Variants in ACTR3C observed in about 807,000 individuals in gnomAD.
ACTR3C encodes the protein actin related protein 3C, also known as actin-related protein 3C.
A neutral mutation model predicts 26.3 loss-of-function variants in ACTR3C; 18 were observed. The observed-to-expected ratio is 0.68, with a 90% confidence interval of 0.47 to 1.01. ACTR3C has a LOEUF of 1.01. Among genes scored for constraint, ACTR3C ranks in the 50% least tolerant of loss-of-function variants. The pLI is 0.00. For synonymous variants in ACTR3C, 55 were observed against 94.5 expected (o/e 0.58, Z 2.42); for missense variants, 184 against 250.7 (o/e 0.73, Z 1.80).
the ACTR3C span, among the ~76,000 whole-genome samples, chr7:150,116,201 A>G: frequency 1.3e-5 from 2 of 152,244 alleles, no homozygotes; most frequent in African/African-American, 4.8e-5. Context: ...CAGCTATGCG[A>G]ATGCAAAACT....
At chr7:150,198,751 G>GT in the ACTR3C span, among the ~76,000 whole-genome samples, 1 of 135,792 alleles carries the variant, frequency 7.4e-6, no homozygotes, top group Non-Finnish European at 1.5e-5. Flanking sequence ...CGGGAGGGAG[G>GT]TGGGGGGGGG....
chr7:149,967,028 ATTTTTT>A, the ACTR3C span, among the ~76,000 whole-genome samples: 49 of 64,718 alleles, frequency 7.6e-4, no homozygotes, highest in East Asian at 9.9e-4. Context: ...TGCACAGCTA[ATTTTTT>A]TTTTTTTTTT....
the ACTR3C span, among the ~76,000 whole-genome samples, chr7:150,195,894 T>G: frequency 6.6e-6 from 1 of 152,126 alleles, no homozygotes; most frequent in African/African-American, 2.4e-5. Context: ...AAAATAATAA[T>G]AATTTCATTT....
chr7:150,015,992 G>T, the ACTR3C span, among the ~76,000 whole-genome samples: 2 of 148,602 alleles, frequency 1.3e-5, no homozygotes, highest in Non-Finnish European at 3.0e-5. Context: ...CAGAGTCTAA[G>T]GTGTTGCAAA....
chr7:150,294,161 A>G (rs1324341414), intron 2 of ACTR3C, among the ~76,000 whole-genome samples: 1 of 152,158 alleles, frequency 6.6e-6, no homozygotes, highest in Non-Finnish European at 1.5e-5. Context: ...TAATTTTTCA[A>G]CCAAAGAAAA....
chr7:150,149,658 C>T, the ACTR3C span, among the ~76,000 whole-genome samples: 5 of 151,974 alleles, frequency 3.3e-5, no homozygotes, highest in Non-Finnish European at 5.9e-5. Context: ...CATGTTCCTA[C>T]AAAGGAAATG....
the ACTR3C span, chr7:150,002,955 A>G: frequency 6.6e-6 from 1 of 152,248 alleles, no homozygotes; most frequent in Non-Finnish European, 1.5e-5. Flanking sequence ...CCCACACCAC[A>G]CGTGCCACAC....
chr7:149,907,979 G>A, the ACTR3C span, among the ~76,000 whole-genome samples: 1 of 151,836 alleles, frequency 6.6e-6, no homozygotes, highest in Non-Finnish European at 1.5e-5. Flanking sequence ...CTACGCAGAA[G>A]CCCTAACCCT....
the ACTR3C span, among the ~76,000 whole-genome samples, chr7:150,086,137 C>T: frequency 6.6e-6 from 1 of 152,048 alleles, no homozygotes; most frequent in Non-Finnish European, 1.5e-5. Flanking sequence ...GTGTGTGCCA[C>T]CACACATGGT....
At chr7:150,288,047 G>A (rs1359876754) in intron 4 of ACTR3C, among the ~76,000 whole-genome samples, 23 of 146,216 alleles carry the variant, frequency 1.6e-4, no homozygotes, top group Non-Finnish European at 3.0e-4. Context: ...GTAAGGGGAA[G>A]CGGGGGGAGC....
chr7:150,014,310 G>A, the ACTR3C span, among the ~76,000 whole-genome samples: 7 of 152,068 alleles, frequency 4.6e-5, no homozygotes, highest in African/African-American at 1.7e-4. Flanking sequence ...CAAAAAATTA[G>A]CTGGGCATGG....
the ACTR3C span, among the ~76,000 whole-genome samples, chr7:150,114,763 C>T: frequency 4.3e-4 from 66 of 152,240 alleles, 1 homozygote; most frequent in South Asian, 0.01. Flanking sequence ...CAGCCCTGAA[C>T]GCACCTGATC....
At chr7:149,889,031 AAAG>A in the ACTR3C span, among the ~76,000 whole-genome samples, 1 of 151,992 alleles carries the variant, frequency 6.6e-6, no homozygotes, top group Non-Finnish European at 1.5e-5. Flanking sequence ...AAAATAATAA[AAAG>A]AAATTAAAAA....
downstream of ACTR3C, among the ~76,000 whole-genome samples, chr7:150,243,334 T>C (rs1832288344): frequency 6.6e-6 from 1 of 152,108 alleles, no homozygotes; most frequent in Non-Finnish European, 1.5e-5. Context: ...AAAAATATTT[T>C]AAAAGGCATT....
At chr7:150,117,563 AAG>A in the ACTR3C span, among the ~76,000 whole-genome samples, 3 of 152,250 alleles carry the variant, frequency 2.0e-5, no homozygotes, top group Non-Finnish European at 4.4e-5. Flanking sequence ...GCATCTCTGA[AAG>A]AAAGGCAGCA....
At chr7:150,288,605 A>T (rs1835965813) in intron 4 of ACTR3C, among the ~76,000 whole-genome samples, 1 of 148,306 alleles carries the variant, frequency 6.7e-6, no homozygotes, top group Non-Finnish European at 1.5e-5. Flanking sequence ...TGGATCAAAT[A>T]GTCAAATATT....
the ACTR3C span, among the ~76,000 whole-genome samples, chr7:149,927,826 G>A: frequency 6.6e-5 from 10 of 152,228 alleles, no homozygotes; most frequent in South Asian, 1.7e-3. Context: ...CAAGGTCCTC[G>A]GCCACACTGT....
chr7:150,115,914 C>T, the ACTR3C span, among the ~76,000 whole-genome samples: 10 of 152,192 alleles, frequency 6.6e-5, no homozygotes, highest in African/African-American at 2.4e-4. Flanking sequence ...ATTCTTTCCT[C>T]CTAGACACTG....
At chr7:150,028,748 TCA>T in the ACTR3C span, among the ~76,000 whole-genome samples, 1 of 152,364 alleles carries the variant, frequency 6.6e-6, no homozygotes, top group Admixed American at 6.5e-5. Context: ...CCGACTTTGG[TCA>T]CCTCAGCCTC....
Sources: allele counts gnomAD v4.1 joint callset (sites outside exome capture counted in the v4.1 genomes callset), GRCh38; gene constraint gnomAD v4.1.1; transcripts MANE v1.5; gene names NCBI Gene and HGNC (gene_info 2026-07-23, HGNC 2026-07-21).